Variants in LRRTM4 observed in about 807,000 individuals in gnomAD.
LRRTM4 encodes the protein leucine-rich repeat transmembrane neuronal protein 4.
Under a neutral mutation model 47.6 loss-of-function variants are expected in LRRTM4, and 25 were observed. That is an observed-to-expected ratio of 0.53 (90% CI 0.38 to 0.73). The LOEUF is 0.73. LRRTM4 is among the 30% of genes least tolerant of loss of function. The pLI, the probability that LRRTM4 is intolerant of heterozygous loss-of-function variation, is 0.00. For missense variants in LRRTM4, 638 were observed against 713.4 expected, an observed-to-expected ratio of 0.89 and a Z score of 1.20; for synonymous variants, 311 against 269.5, an observed-to-expected ratio of 1.15 and a Z score of -1.51.
intron 3 of LRRTM4, among the ~76,000 whole-genome samples, chr2:76,991,112 A>G (rs945022461): frequency 1.3e-5 from 2 of 151,692 alleles, no homozygotes; most frequent in African/African-American, 2.4e-5. Context: ...AACAGAGACA[A>G]ACATACCAAA....
intron 3 of LRRTM4, among the ~76,000 whole-genome samples, chr2:76,954,620 A>C (rs1675609705): frequency 6.6e-6 from 1 of 151,858 alleles, no homozygotes; most frequent in South Asian, 2.1e-4. Flanking sequence ...CAGAAAGCTT[A>C]CTTGGACAAG....
intron 3 of LRRTM4, among the ~76,000 whole-genome samples, chr2:76,860,134 C>T (rs1205027151): frequency 1.3e-5 from 2 of 151,996 alleles, no homozygotes; most frequent in Non-Finnish European, 2.9e-5. Flanking sequence ...ATAGTATATG[C>T]CAAACATACA....
At chr2:77,515,412 C>G (rs1197338632) in intron 3 of LRRTM4, among the ~76,000 whole-genome samples, 1 of 151,592 alleles carries the variant, frequency 6.6e-6, no homozygotes, top group Non-Finnish European at 1.5e-5. Context: ...TTAAAAGAAA[C>G]AAGCAAAATG....
At chr2:76,776,682 C>G (rs1354686563) in intron 3 of LRRTM4, among the ~76,000 whole-genome samples, 1 of 146,470 alleles carries the variant, frequency 6.8e-6, no homozygotes, top group East Asian at 2.1e-4. Context: ...GAGTAGGTTG[C>G]GAAAATTTTC....
At chr2:76,980,205 A>C (rs941602600) in intron 3 of LRRTM4, among the ~76,000 whole-genome samples, 1 of 152,116 alleles carries the variant, frequency 6.6e-6, no homozygotes, top group Non-Finnish European at 1.5e-5. Flanking sequence ...AGGCCCAAAG[A>C]AAAGCGAAAA....
rs1451796470 is a variant in LRRTM4 at position 76,769,988 on chromosome 2, C to CTGGGCT, written c.1552-21078_1552-21073dup. 5.9e-5 allele frequency among the ~76,000 whole-genome samples: 9 copies of CTGGGCT among 152,316 alleles called. No homozygotes were observed. The East Asian group carries it at 1.5e-3, about 26-fold the overall frequency. ...ATCCCAGACCTACTCGATCAAACCT[C>CTGGGCT]TGGGCTTGGGCCCAGGAATCTGTTT... On this transcript the variant is annotated intron_variant, in intron 3 of 3. Coordinates refer to ENST00000409884, the MANE Select transcript of LRRTM4 (RefSeq NM_001134745.3).
At chr2:76,802,126 A>C (rs960628487) in intron 3 of LRRTM4, among the ~76,000 whole-genome samples, 2 of 152,016 alleles carry the variant, frequency 1.3e-5, no homozygotes, top group African/African-American at 4.8e-5. Flanking sequence ...AGCCCGAGCA[A>C]TTAGGCAAGG....
intron 3 of LRRTM4, among the ~76,000 whole-genome samples, chr2:77,497,738 A>G (rs1224342864): frequency 2.6e-5 from 4 of 151,094 alleles, no homozygotes; most frequent in South Asian, 2.1e-4. Flanking sequence ...ATATAATAGT[A>G]TATCCAAAAA....
intron 3 of LRRTM4, among the ~76,000 whole-genome samples, chr2:76,874,674 T>C (rs1414240471): frequency 6.6e-6 from 1 of 151,968 alleles, no homozygotes; most frequent in Non-Finnish European, 1.5e-5. Context: ...AGATAGTGAT[T>C]CAGTAGTCAA....
chr2:76,759,978 C>G (rs1673193511), intron 3 of LRRTM4, among the ~76,000 whole-genome samples: 1 of 152,038 alleles, frequency 6.6e-6, no homozygotes, highest in South Asian at 2.1e-4. Flanking sequence ...TAGTTTACCC[C>G]AAAGTAAGCT....
intron 3 of LRRTM4, among the ~76,000 whole-genome samples, chr2:77,412,111 T>C (rs424198): frequency 0.19 from 29,213 of 151,830 alleles, 2,906 homozygotes; most frequent in African/African-American, 0.21. Context: ...GTTCTACCTT[T>C]GATTTGCATT....
chr2:77,377,842 T>C (rs1672895600), intron 3 of LRRTM4, among the ~76,000 whole-genome samples: 1 of 152,018 alleles, frequency 6.6e-6, no homozygotes, highest in African/African-American at 2.4e-5. Context: ...TGAAGGTATT[T>C]ATTTCTTCAC....
At chr2:77,424,869 T>C (rs1217098556) in intron 3 of LRRTM4, among the ~76,000 whole-genome samples, 1 of 152,212 alleles carries the variant, frequency 6.6e-6, no homozygotes, top group Non-Finnish European at 1.5e-5. Context: ...CAAGTGTTAA[T>C]GAGTCCATTA....
chr2:76,836,194 C>T (rs2103914123), intron 3 of LRRTM4, among the ~76,000 whole-genome samples: 1 of 151,388 alleles, frequency 6.6e-6, no homozygotes, highest in Non-Finnish European at 1.5e-5. Context: ...AAGGAAACTA[C>T]CTGAATATTA....
chr2:77,239,034 T>C (rs1168566628), intron 3 of LRRTM4, among the ~76,000 whole-genome samples: 1 of 151,748 alleles, frequency 6.6e-6, no homozygotes, highest in Admixed American at 6.6e-5. Context: ...AAAAATACTA[T>C]AATATCAAAG....
chr2:76,781,517 C>G (rs921633125), intron 3 of LRRTM4, among the ~76,000 whole-genome samples: 1 of 152,202 alleles, frequency 6.6e-6, no homozygotes, highest in Admixed American at 6.5e-5. Flanking sequence ...ACCCGATTTT[C>G]CAGGTGCGGT....
chr2:77,117,477 G>T (rs1426927089), intron 3 of LRRTM4, among the ~76,000 whole-genome samples: 6 of 151,324 alleles, frequency 4.0e-5, no homozygotes, highest in Non-Finnish European at 7.4e-5. Context: ...TTACCCCCAG[G>T]TTAACATTTA....
intron 3 of LRRTM4, among the ~76,000 whole-genome samples, chr2:77,117,311 T>C (rs1014112948): frequency 6.6e-6 from 1 of 152,022 alleles, no homozygotes; most frequent in Non-Finnish European, 1.5e-5. Flanking sequence ...GAAAAATAGA[T>C]AGCAAAAAGT....
chr2:76,838,771 A>G (rs1409061777), intron 3 of LRRTM4, among the ~76,000 whole-genome samples: 2 of 152,110 alleles, frequency 1.3e-5, no homozygotes, highest in East Asian at 3.9e-4. Flanking sequence ...GACGTTGAAC[A>G]TGGGACATGT....
Sources: gnomAD v4.1 joint callset for allele counts (sites outside exome capture counted in the v4.1 genomes callset) on GRCh38, gnomAD v4.1.1 for gene constraint, MANE v1.5 for transcripts, NCBI Gene and HGNC (gene_info 2026-07-23, HGNC 2026-07-21) for gene names.